Variants in KDM3B observed in about 807,000 individuals in gnomAD.
The protein encoded by KDM3B is lysine demethylase 3B.
Under a neutral mutation model 170.0 loss-of-function variants are expected in KDM3B, and 10 were observed. The ratio of observed to expected loss-of-function variants is 0.06; its 90% CI spans 0.04 to 0.10. The LOEUF (loss-of-function observed/expected upper bound fraction) is 0.10, where lower values mean the gene tolerates loss of function less well. Ranked by LOEUF, KDM3B falls within the 10% of genes least tolerant of loss-of-function variation. The pLI, the probability that KDM3B is intolerant of heterozygous loss-of-function variation, is 1.00. For synonymous variants in KDM3B, 831 were observed against 834.8 expected, an observed-to-expected ratio of 1.00 and a Z score of 0.08; for missense variants, 1,394 against 2,195.2, an observed-to-expected ratio of 0.64 and a Z score of 7.29.
intron 6 of KDM3B, among the ~76,000 whole-genome samples, chr5:138,382,406 C>T (rs746222777): frequency 5.9e-5 from 9 of 151,984 alleles, no homozygotes; most frequent in African/African-American, 9.7e-5. Flanking sequence ...GAGCTGAGAT[C>T]GCACCATTGC....
chr5:138,391,954 C>T lies in KDM3B; in HGVS notation c.2322C>T (p.Gly774=), dbSNP rs140375150. The T allele has an allele frequency of 9.3e-6, 15 of 1,612,480 alleles. No homozygotes were observed. The highest frequency in any genetic ancestry group is 3.3e-5 in the Admixed American group (2 of 59,986). Residue 774 remains glycine, a synonymous_variant, in exon 8 of 24, where the codon GGC becomes GGT. Transcript: ENST00000314358. This position sits in a 1 kb window ranked among gnomAD's most constrained non-coding sequence, Gnocchi z 5.0. ...GTAACGTCTTTGGCAGGCACTCAGGCGGCTTTCTGTCCTCCCCGGCAGATT... is the reference window on the plus strand; with the variant it reads ...GTAACGTCTTTGGCAGGCACTCAGGTGGCTTTCTGTCCTCCCCGGCAGATT... ...TFSNVFGRHS[G]GFLSSPADFS...
Position 138,428,101 on chromosome 5 carries a change from A to G in KDM3B, c.4753+15A>G, listed in dbSNP as rs774629798. Reference sequence around the variant, plus strand: ...TCATGATGAAGGTATGCTTTCTAGAATCCACTGCTTTAGGATGGTGAGGCT... The same window carrying G: ...TCATGATGAAGGTATGCTTTCTAGAGTCCACTGCTTTAGGATGGTGAGGCT... On this transcript the variant is annotated intron_variant, in intron 20 of 23. Coordinates refer to ENST00000314358, the MANE Select transcript of KDM3B (RefSeq NM_016604.4). The G allele has an allele frequency of 1.2e-6, 2 of 1,612,778 alleles. No individual in the cohort carries two copies. Among genetic ancestry groups the G allele is most frequent in the South Asian group, 1.1e-5 (1 of 90,926 alleles).
chr5:138,421,700 A>G (rs191204288), intron 15 of KDM3B, among the ~76,000 whole-genome samples: 1 of 152,292 alleles, frequency 6.6e-6, no homozygotes, highest in East Asian at 1.9e-4. Context: ...TAAGAAATAA[A>G]GAAAAATAAA....
intron 17 of KDM3B, 172 bp from the exon 18 acceptor site, chr5:138,426,803 C>T (rs538113981): frequency 7.6e-6 from 4 of 527,756 alleles, no homozygotes; most frequent in African/African-American, 3.9e-5. Flanking sequence ...CGCTTGAACC[C>T]GGGAGGCCAA....
At chr5:138,397,939 A>C in intron 9 of KDM3B, 1 of 393,252 alleles carries the variant, frequency 2.5e-6, no homozygotes, top group South Asian at 4.5e-5. Context: ...GGTGTAGAAC[A>C]GGTGAATGGA....
At chr5:138,372,943 C>A in intron 2 of KDM3B, 102 bp downstream of exon 2, 1 of 996,476 alleles carries the variant, frequency 1.0e-6, no homozygotes, top group South Asian at 2.9e-5. Context: ...CATACTTTGT[C>A]CTTAACGTAC....
At chr5:138,434,538 A>T (rs996710186) in intron 23 of KDM3B, among the ~76,000 whole-genome samples, 2 of 139,226 alleles carry the variant, frequency 1.4e-5, no homozygotes, top group Admixed American at 7.5e-5. Flanking sequence ...ACAGTGTTAG[A>T]CTCCATCTCA....
chr5:138,423,017 G>T (rs537301941), intron 15 of KDM3B, among the ~76,000 whole-genome samples: 1 of 152,222 alleles, frequency 6.6e-6, no homozygotes, highest in Admixed American at 6.5e-5. Context: ...TCAGCTCACT[G>T]CAGCCTCCAC....
At chr5:138,399,578 G>A (rs1378077884) in intron 10 of KDM3B, among the ~76,000 whole-genome samples, 2 of 151,926 alleles carry the variant, frequency 1.3e-5, no homozygotes, top group African/African-American at 4.8e-5. Context: ...TTCCTTAAGT[G>A]ACAACATGTG....
At chr5:138,368,391 C>T (rs2126917811) in intron 1 of KDM3B, among the ~76,000 whole-genome samples, 1 of 151,714 alleles carries the variant, frequency 6.6e-6, no homozygotes, top group East Asian at 1.9e-4. Context: ...CCCCACCATG[C>T]CTGGTTTTTT....
rs1763105201 is a variant in KDM3B, at chr5:138,416,441, T to C, written c.3308-1042T>C. On this transcript the variant is annotated intron_variant, in intron 12 of 23. Coordinates refer to ENST00000314358, the MANE Select transcript of KDM3B (RefSeq NM_016604.4). ...CCCACCTCTACTAAAAATATAAAGT[T>C]AGCCAGGCATGGTGGTAAGCGCCTG... is the stretch of plus-strand genomic sequence containing the variant. Among the ~76,000 whole-genome samples, 3 of 151,660 alleles carry C rather than the reference T, an allele frequency of 2.0e-5. No homozygotes were observed. In the South Asian group the frequency reaches 6.3e-4, roughly 32 times the overall value.
chr5:138,418,987 A>G lies in KDM3B; in HGVS notation c.3470A>G (p.Asn1157Ser), dbSNP rs745735460. Residue 1157 changes from asparagine to serine, a missense_variant, in exon 14 of 24, where the codon AAC (asparagine) becomes AGC (serine). By Grantham distance (46) the Asn-to-Ser change is conservative. Around this residue, in one of 19 missense-constraint regions of KDM3B, gnomAD observed 87 missense variants for 83.3 expected, o/e 1.04. Coordinates refer to ENST00000314358, the MANE Select transcript of KDM3B (RefSeq NM_016604.4). ...PSINPSASSG[N>S]ETTFSGGGGP... ...ATAAACCCTAGTGCCTCTTCTGGAA[A>G]CGAAACTACCTTCTCTGGTGGAGGA... 7 of 1,614,180 alleles carry G rather than the reference A, an allele frequency of 4.3e-6. No individual in the cohort carries two copies. The South Asian group carries it at 7.7e-5, about 18-fold the overall frequency.
chr5:138,428,167 C>T, intron 20 of KDM3B, 81 bp downstream of exon 20: 1 of 1,343,440 alleles, frequency 7.4e-7, no homozygotes, highest in Non-Finnish European at 1.0e-6. Flanking sequence ...TCCTTAGGGC[C>T]AGTGGCTTTT....
intron 5 of KDM3B, among the ~76,000 whole-genome samples, chr5:138,380,539 T>C (rs1220994079): frequency 3.9e-5 from 6 of 152,154 alleles, no homozygotes; most frequent in South Asian, 2.1e-4. Flanking sequence ...TACATGGATA[T>C]ATCATGACTA....
intron 1 of KDM3B, among the ~76,000 whole-genome samples, chr5:138,366,960 C>T (rs1761761934): frequency 6.6e-6 from 1 of 152,224 alleles, no homozygotes; most frequent in Non-Finnish European, 1.5e-5. Flanking sequence ...CCTCCTCCTA[C>T]TACTACTCCC....
intron 12 of KDM3B, among the ~76,000 whole-genome samples, 187 bp from the exon 13 acceptor site, chr5:138,417,296 G>A (rs1394067205): frequency 2.6e-5 from 4 of 152,162 alleles, no homozygotes; most frequent in African/African-American, 9.7e-5. Context: ...CCAGCTTTAT[G>A]TACTTGAGCA....
At chr5:138,400,922 G>T (rs12517410) in intron 11 of KDM3B, among the ~76,000 whole-genome samples, 105,539 of 150,410 alleles carry the variant, frequency 0.7, 37,474 homozygotes, top group South Asian at 0.86. Context: ...ACTAATGCTA[G>T]TTTAACAAGT....
chr5:138,393,131 C>G, intron 8 of KDM3B, 40 bp from the exon 9 acceptor site: 1 of 1,584,248 alleles, frequency 6.3e-7, no homozygotes. Flanking sequence ...TTCCTGTTTA[C>G]ACCTCATGAC....
chr5:138,391,549 A>G lies in KDM3B; in HGVS notation c.1917A>G (p.Ala639=), dbSNP rs755745356. The change falls in exon 8 of 24, where the codon GCA becomes GCG. Residue 639 remains alanine, a synonymous_variant. Transcript: ENST00000314358. The surrounding 1 kb of genome is among the most constrained non-coding windows in gnomAD (Gnocchi z 5.0). Reference sequence around the variant, plus strand: ...AAGAGCCTTCTAATCCTTTCCTGGCATTTGTGGAGAAAGTTGAACACAGCC... The same window carrying G: ...AAGAGCCTTCTAATCCTTTCCTGGCGTTTGTGGAGAAAGTTGAACACAGCC... The part of the protein sequence containing the change: ...SREEPSNPFL[A]FVEKVEHSPF... The G allele has an allele frequency of 1.2e-6, 2 of 1,614,004 alleles. No homozygotes were observed. The highest frequency in any genetic ancestry group is 2.2e-5 in the South Asian group (2 of 91,082).
Sources: gnomAD v4.1 joint callset for allele counts (sites outside exome capture counted in the v4.1 genomes callset) on GRCh38, gnomAD v4.1.1 for gene constraint, gnomAD v4.1.1 regional missense constraint, Gnocchi (gnomAD v3.1) non-coding constraint, MANE v1.5 for transcripts, NCBI Gene and HGNC (gene_info 2026-07-23, HGNC 2026-07-21) for gene names.